Variants in SPECC1 observed in about 807,000 individuals in gnomAD.
The protein encoded by SPECC1 is cytospin-B.
In SPECC1, 62 loss-of-function variants were observed where a neutral mutation model predicts 104.1. The observed-to-expected ratio is 0.60, with a 90% CI of 0.49 to 0.74. The LOEUF (loss-of-function observed/expected upper bound fraction) is 0.74. Ranked by LOEUF, SPECC1 falls within the 30% of genes least tolerant of loss-of-function variation. The probability of loss-of-function intolerance (pLI) is 0.00; values close to 1 mark genes in which losing one functional copy is unlikely to be tolerated. For missense variants in SPECC1, 1,306 were observed against 1,310.5 expected, an observed-to-expected ratio of 1.00 and a Z score of 0.05; for synonymous variants, 513 against 501.6, an observed-to-expected ratio of 1.02 and a Z score of -0.30.
At chr17:20,206,664 T>C (rs1191990275) in intron 4 of SPECC1, among the ~76,000 whole-genome samples, 2 of 152,222 alleles carry the variant, frequency 1.3e-5, no homozygotes, top group East Asian at 3.8e-4. Flanking sequence ...CTTTCAATAT[T>C]ATAAATACTT....
intron 3 of SPECC1, among the ~76,000 whole-genome samples, chr17:20,114,717 G>C (rs1321883246): frequency 2.0e-5 from 3 of 151,402 alleles, no homozygotes; most frequent in Non-Finnish European, 2.9e-5. Flanking sequence ...TCCTTTGGGA[G>C]AATGACTCAT....
intron 1 of SPECC1, chr17:20,017,287 C>T (rs1020804937): frequency 4.6e-5 from 7 of 152,478 alleles, no homozygotes; most frequent in African/African-American, 1.7e-4. Context: ...CAGCTTCACT[C>T]CTGAAGCTAG....
intron 4 of SPECC1, among the ~76,000 whole-genome samples, chr17:20,211,530 G>A (rs937474762): frequency 1.2e-4 from 18 of 152,250 alleles, no homozygotes; most frequent in Non-Finnish European, 1.8e-4. Context: ...TTTAGCATTA[G>A]GAGCGGAATC....
Position 20,205,675 on chromosome 17 carries a change from T to C in SPECC1, c.1626T>C (p.Val542=). ...MMAKTLEECR[V]TLEGLKMENG... The stretch of plus-strand genomic sequence containing the variant: ...CCAAAACTTTGGAAGAGTGTAGAGT[T>C]ACCTTGGAAGGGCTAAAAATGGAGA... Residue 542 remains valine (V), a synonymous_variant, in exon 4 of 15, where the codon GTT becomes GTC. Coordinates refer to ENST00000395527, the MANE Select transcript of SPECC1 (RefSeq NM_001243439.2). 6.2e-7 allele frequency: 1 copy of C among 1,614,190 alleles called. No individual in the cohort carries two copies. The highest frequency in any genetic ancestry group is 1.1e-5 in the South Asian group (1 of 91,076).
chr17:20,097,921 G>A (rs954501910), intron 2 of SPECC1, among the ~76,000 whole-genome samples: 2 of 152,122 alleles, frequency 1.3e-5, no homozygotes, highest in Admixed American at 6.6e-5. Flanking sequence ...TTAAATATTA[G>A]TAACACATCC....
At chr17:20,199,243 C>T (rs186771167) in intron 3 of SPECC1, among the ~76,000 whole-genome samples, 15 of 151,600 alleles carry the variant, frequency 9.9e-5, no homozygotes, top group Admixed American at 3.3e-4. Flanking sequence ...TGTGCTGTGG[C>T]GCCCAGCTAA....
At position 20,246,183 on chromosome 17, in the gene SPECC1, G is replaced by C. The variant is rs1239512515; in HGVS notation, c.2497+112G>C. 8.1e-6 allele frequency: 11 copies of C among 1,360,276 alleles called. No homozygotes were observed. The African/African-American group carries it at 1.2e-4, about 14-fold the overall frequency. The allele number at this position is 1,360,276 out of a possible 1,614,324, so 84.3% of individuals were successfully genotyped here. ...GGCCCTGTGTTGTTACAACCACAAG[G>C]GCGCTTTCCAGGTCCTACCACGTGC... is the stretch of plus-strand genomic sequence containing the variant. On this transcript the variant is annotated intron_variant, in intron 8 of 14. Transcript: ENST00000395527.
At chr17:20,299,119 C>T (rs1353944143) in intron 13 of SPECC1, among the ~76,000 whole-genome samples, 1 of 151,892 alleles carries the variant, frequency 6.6e-6, no homozygotes, top group African/African-American at 2.4e-5. Context: ...ATACTACAGT[C>T]CCAATGTGAA....
At chr17:20,017,265 C>T (rs9897430) in intron 1 of SPECC1, 10,116 of 152,482 alleles carry the variant, frequency 0.066, 963 homozygotes, top group African/African-American at 0.21. Context: ...CAACACACAC[C>T]TCGAAGGTCT....
intron 2 of SPECC1, among the ~76,000 whole-genome samples, chr17:20,108,807 G>A (rs568593144): frequency 2.6e-5 from 4 of 152,290 alleles, no homozygotes; most frequent in South Asian, 2.1e-4. Flanking sequence ...TCTTGGGTGC[G>A]GATCTAGGAA....
At chr17:20,186,660 C>T (rs2035300762) in intron 3 of SPECC1, among the ~76,000 whole-genome samples, 1 of 152,182 alleles carries the variant, frequency 6.6e-6, no homozygotes, top group Non-Finnish European at 1.5e-5. Context: ...ACTTCCCAGG[C>T]TCAGGTGATC....
intron 12 of SPECC1, among the ~76,000 whole-genome samples, chr17:20,275,434 G>A (rs1213479226): frequency 6.6e-6 from 1 of 152,006 alleles, no homozygotes; most frequent in East Asian, 1.9e-4. Flanking sequence ...AGTGCAATAG[G>A]TATTTATTTT....
chr17:20,217,857 G>A (rs937642559), intron 4 of SPECC1, among the ~76,000 whole-genome samples: 1 of 151,986 alleles, frequency 6.6e-6, no homozygotes. Flanking sequence ...GGGCAACATA[G>A]CAAGACCCCA....
At chr17:20,305,069 A>G (rs529167081) in intron 13 of SPECC1, among the ~76,000 whole-genome samples, 1 of 152,236 alleles carries the variant, frequency 6.6e-6, no homozygotes, top group South Asian at 2.1e-4. Context: ...TGGTAGAGTA[A>G]CAGAGGAACT....
chr17:20,177,925 G>A (rs2034588461), intron 3 of SPECC1, among the ~76,000 whole-genome samples: 1 of 151,826 alleles, frequency 6.6e-6, no homozygotes, highest in Admixed American at 6.6e-5. Context: ...GGCCAGAATG[G>A]TCTTGAACTC....
intron 9 of SPECC1, among the ~76,000 whole-genome samples, chr17:20,251,168 C>T (rs909616297): frequency 4.2e-5 from 6 of 143,186 alleles, no homozygotes; most frequent in African/African-American, 1.6e-4. Context: ...GCGGAGGTTG[C>T]AGTCACCTGA....
chr17:20,201,416 A>G (rs2036426514), intron 3 of SPECC1, among the ~76,000 whole-genome samples: 1 of 152,206 alleles, frequency 6.6e-6, no homozygotes, highest in African/African-American at 2.4e-5. Flanking sequence ...TTGGAGGCAG[A>G]GGTTGCAGTG....
At chr17:20,099,551 C>T (rs1333242161) in intron 2 of SPECC1, among the ~76,000 whole-genome samples, 5 of 148,952 alleles carry the variant, frequency 3.4e-5, no homozygotes, top group African/African-American at 4.9e-5. Flanking sequence ...TAGCCTTAGC[C>T]GGGCGTGGTG....
At chr17:20,154,784 C>T (rs564206826) in intron 3 of SPECC1, among the ~76,000 whole-genome samples, 6 of 152,060 alleles carry the variant, frequency 3.9e-5, no homozygotes, top group Non-Finnish European at 2.9e-5. Context: ...GAGATGACAG[C>T]GGCTTGGATC....
Sources: allele counts gnomAD v4.1 joint callset (sites outside exome capture counted in the v4.1 genomes callset), GRCh38; gene constraint gnomAD v4.1.1; transcripts MANE v1.5; gene names NCBI Gene and HGNC (gene_info 2026-07-23, HGNC 2026-07-21).